RALYL: variants seen among roughly 807,000 people sequenced by gnomAD.
RALYL encodes the protein RALY RNA binding protein like.
A neutral mutation model predicts 35.1 loss-of-function variants in RALYL; 29 were observed. The observed-to-expected ratio is 0.83, with a 90% CI of 0.61 to 1.13. The LOEUF (loss-of-function observed/expected upper bound fraction) is 1.13, where lower values mean the gene tolerates loss of function less well. Ranked by LOEUF, RALYL falls within the 50% of genes most tolerant of loss-of-function variation. RALYL has a pLI of 0.00. For synonymous variants in RALYL, 120 were observed against 127.6 expected, an observed-to-expected ratio of 0.94 and a Z score of 0.40; for missense variants, 359 against 360.4, an observed-to-expected ratio of 1.00 and a Z score of 0.03.
At position 84,834,470 on chromosome 8, in the gene RALYL, C is replaced by G. The variant is rs186773671; in HGVS notation, c.366-15510C>G. On this transcript the variant is annotated intron_variant, in intron 4 of 8. Coordinates refer to ENST00000521268, the MANE Select transcript of RALYL (RefSeq NM_173848.7). ...TGAGTAGGAAACCTCTGCTGAGATG[C>G]CCATGGTTATCACTGGGCCTCTGAT... Among the ~76,000 whole-genome samples, 607 of 152,230 alleles carry G rather than the reference C, an allele frequency of 4.0e-3. 8 individuals are homozygous for G. The highest frequency in any genetic ancestry group is 0.031 in the South Asian group (151 of 4,828).
chr8:84,242,657 G>A (rs538779610), intron 1 of RALYL, among the ~76,000 whole-genome samples: 61 of 152,056 alleles, frequency 4.0e-4, no homozygotes, highest in African/African-American at 1.4e-3. Flanking sequence ...CTGTTCATGC[G>A]CTTTGCCCAC....
At chr8:84,431,438 C>T (rs534513775) in intron 1 of RALYL, among the ~76,000 whole-genome samples, 16 of 152,102 alleles carry the variant, frequency 1.1e-4, no homozygotes, top group African/African-American at 1.4e-4. Flanking sequence ...GAAACTACAG[C>T]GAGTTATCAC....
At chr8:84,789,971 G>GA (rs1163743189) in intron 3 of RALYL, among the ~76,000 whole-genome samples, 1 of 152,204 alleles carries the variant, frequency 6.6e-6, no homozygotes, top group African/African-American at 2.4e-5. Context: ...CATTTTAACT[G>GA]AAAAAGCAAA....
intron 2 of RALYL, among the ~76,000 whole-genome samples, chr8:84,732,668 T>TTATATATATATATATGTGTATG (rs1846411973): frequency 7.5e-6 from 1 of 132,494 alleles, no homozygotes; most frequent in African/African-American, 3.2e-5. Flanking sequence ...TATTAAATAA[T>TTATATATATATATATGTGTATG]TATATATATA....
chr8:84,913,205 T>A (rs10046686), intron 8 of RALYL, among the ~76,000 whole-genome samples: 68,961 of 151,784 alleles, frequency 0.45, 18,487 homozygotes, highest in African/African-American at 0.74. Flanking sequence ...TTATCAAAGT[T>A]CAGTCTAGTC....
intron 1 of RALYL, among the ~76,000 whole-genome samples, chr8:84,217,436 T>A (rs1723059004): frequency 6.6e-6 from 1 of 152,110 alleles, no homozygotes; most frequent in East Asian, 1.9e-4. Context: ...TTATTTTTCA[T>A]TTTGTATGTG....
intron 1 of RALYL, among the ~76,000 whole-genome samples, chr8:84,206,736 G>A (rs1347720443): frequency 1.3e-5 from 2 of 152,084 alleles, no homozygotes. Context: ...AGAGATTGTG[G>A]CGCGACATTT....
chr8:84,649,030 G>A (rs1176779580), intron 2 of RALYL, among the ~76,000 whole-genome samples: 1 of 151,854 alleles, frequency 6.6e-6, no homozygotes, highest in East Asian at 1.9e-4. Flanking sequence ...ATTTCTCACA[G>A]TGATATCTTA....
At chr8:84,917,967 A>G (rs1337675071) in intron 8 of RALYL, among the ~76,000 whole-genome samples, 1 of 152,040 alleles carries the variant, frequency 6.6e-6, no homozygotes, top group Admixed American at 6.6e-5. Context: ...GTCTATAAAA[A>G]GTGTGAGTGG....
At chr8:84,240,017 A>G (rs1402339475) in intron 1 of RALYL, among the ~76,000 whole-genome samples, 1 of 152,250 alleles carries the variant, frequency 6.6e-6, no homozygotes, top group East Asian at 1.9e-4. Flanking sequence ...AAAGTGACAG[A>G]CCAACAATAG....
chr8:84,242,718 G>T (rs968839923), intron 1 of RALYL, among the ~76,000 whole-genome samples: 1 of 152,068 alleles, frequency 6.6e-6, no homozygotes, highest in Non-Finnish European at 1.5e-5. Flanking sequence ...TAAGTTCCTT[G>T]TTGACTCTGG....
intron 1 of RALYL, among the ~76,000 whole-genome samples, chr8:84,275,199 G>C (rs148020832): frequency 6.6e-6 from 1 of 152,186 alleles, no homozygotes; most frequent in East Asian, 1.9e-4. Flanking sequence ...GCTTGCATTA[G>C]AGCCATTGTC....
At chr8:84,574,071 G>A (rs1048987110) in intron 2 of RALYL, among the ~76,000 whole-genome samples, 1 of 151,876 alleles carries the variant, frequency 6.6e-6, no homozygotes, top group South Asian at 2.1e-4. Flanking sequence ...TGATGTCATT[G>A]TTGAGTTTAG....
rs1475330175 is a variant in RALYL, at chr8:84,599,520, C to T, written c.256+69943C>T. Among the ~76,000 whole-genome samples the T allele has an allele frequency of 2.0e-5, 3 of 151,934 alleles. No homozygotes were observed. In the East Asian group the frequency reaches 5.8e-4, roughly 29 times the overall value. ...TAGAATAACTGTAGCAAACATATCA[C>T]TAATTAAACATTAGTGAAATGTCAT... On this transcript the variant is annotated intron_variant, in intron 2 of 8. Transcript: ENST00000521268.
At chr8:84,729,777 A>C (rs1213804065) in intron 2 of RALYL, among the ~76,000 whole-genome samples, 2 of 152,158 alleles carry the variant, frequency 1.3e-5, no homozygotes, top group Non-Finnish European at 2.9e-5. Context: ...TAAACTAGAA[A>C]ATCTAGAAGA....
chr8:84,368,489 G>C (rs1854993500), intron 1 of RALYL, among the ~76,000 whole-genome samples: 1 of 152,068 alleles, frequency 6.6e-6, no homozygotes, highest in Admixed American at 6.6e-5. Flanking sequence ...CTGCTTTCAG[G>C]CTGCTGATAA....
At chr8:84,473,218 C>G (rs924202111) in intron 1 of RALYL, among the ~76,000 whole-genome samples, 4 of 151,656 alleles carry the variant, frequency 2.6e-5, no homozygotes, top group Admixed American at 6.6e-5. Context: ...CTTAACGACT[C>G]TAATTTAAAT....
intron 2 of RALYL, among the ~76,000 whole-genome samples, chr8:84,597,887 C>G (rs554971700): frequency 6.6e-6 from 1 of 152,104 alleles, no homozygotes; most frequent in African/African-American, 2.4e-5. Flanking sequence ...TATTTAATAT[C>G]TGGCTCTTTA....
chr8:84,520,266 GT>G (rs2058362505), intron 1 of RALYL, among the ~76,000 whole-genome samples: 1 of 152,130 alleles, frequency 6.6e-6, no homozygotes, highest in South Asian at 2.1e-4. Flanking sequence ...TTTAAGCTTT[GT>G]TTTGCAGAGG....
Sources: allele counts gnomAD v4.1 joint callset (sites outside exome capture counted in the v4.1 genomes callset), GRCh38; gene constraint gnomAD v4.1.1; transcripts MANE v1.5; gene names NCBI Gene and HGNC (gene_info 2026-07-23, HGNC 2026-07-21).